Variants in CCR5AS observed in about 807,000 individuals in gnomAD.
CCR5AS encodes CCR5 antisense RNA.
At chr3:46,380,152 T>C (rs1469589046) in intron 2 of CCR5AS, among the ~76,000 whole-genome samples, 2 of 152,126 alleles carry the variant, frequency 1.3e-5, no homozygotes, top group African/African-American at 4.8e-5. Flanking sequence ...CCTGCCTTTC[T>C]GGAGGGTGAG....
chr3:46,372,674 A>G (rs1487868257), intron 2 of CCR5AS: 1 of 410,988 alleles, frequency 2.4e-6, no homozygotes, highest in African/African-American at 2.0e-5. Context: ...GAATTCCCCC[A>G]ACAGAGCCAA....
At chr3:46,372,785 A>T in intron 2 of CCR5AS, 1 of 757,734 alleles carries the variant, frequency 1.3e-6, no homozygotes, top group Non-Finnish European at 2.1e-6. Context: ...GTAGACATCT[A>T]TGTAGGCAAT....
chr3:46,391,754 C>T (rs532547256), intron 2 of CCR5AS, among the ~76,000 whole-genome samples: 22 of 152,056 alleles, frequency 1.4e-4, no homozygotes, highest in African/African-American at 5.3e-4. Flanking sequence ...GAGAAGGTGA[C>T]CAAAGGTTTA....
At chr3:46,401,706 G>A (rs1372065578) in intron 1 of CCR5AS, among the ~76,000 whole-genome samples, 2 of 152,032 alleles carry the variant, frequency 1.3e-5, no homozygotes, top group Non-Finnish European at 2.9e-5. Flanking sequence ...GGCTCCCTCA[G>A]AGCTGGGGCA....
At chr3:46,373,588 A>G (rs1701703192) in intron 2 of CCR5AS, 3 of 1,613,694 alleles carry the variant, frequency 1.9e-6, no homozygotes, top group African/African-American at 1.3e-5. Flanking sequence ...AATGAGAAGA[A>G]GAGGCACAGG....
chr3:46,374,070 T>C, intron 2 of CCR5AS: 1 of 713,998 alleles, frequency 1.4e-6, no homozygotes, highest in Non-Finnish European at 2.3e-6. Flanking sequence ...TAAAAGGAAG[T>C]TACTGTTATA....
chr3:46,384,388 C>A (rs1161577828), intron 2 of CCR5AS, among the ~76,000 whole-genome samples: 1 of 152,172 alleles, frequency 6.6e-6, no homozygotes, highest in Non-Finnish European at 1.5e-5. Context: ...ACATGCCTGG[C>A]CCCCAGATAG....
chr3:46,382,286 G>T (rs764743619), intron 2 of CCR5AS, among the ~76,000 whole-genome samples: 1 of 152,184 alleles, frequency 6.6e-6, no homozygotes, highest in African/African-American at 2.4e-5. Flanking sequence ...GCTTCTTCCC[G>T]TGCTATGTAA....
At chr3:46,371,241 T>C (rs1260700954) in intron 3 of CCR5AS, 1 of 152,182 alleles carries the variant, frequency 6.6e-6, no homozygotes, top group Admixed American at 6.5e-5. Context: ...TAACAATCCT[T>C]ACCTCTCAAA....
intron 1 of CCR5AS, among the ~76,000 whole-genome samples, chr3:46,406,579 A>T (rs1255554907): frequency 2.0e-5 from 3 of 150,442 alleles, no homozygotes; most frequent in African/African-American, 7.4e-5. Context: ...ATTCTCTCCC[A>T]CCCAACTTGA....
chr3:46,401,261 C>A (rs771874435), intron 1 of CCR5AS, among the ~76,000 whole-genome samples: 11 of 152,136 alleles, frequency 7.2e-5, no homozygotes, highest in Non-Finnish European at 1.0e-4. Flanking sequence ...AGAAAGGGAT[C>A]GAAATGCTGC....
At position 46,383,011 on chromosome 3, in the gene CCR5AS, C is replaced by A. The variant is rs562880498; in HGVS notation, n.391+9814G>T. Among the ~76,000 whole-genome samples the A allele has an allele frequency of 4.6e-5, 7 of 152,244 alleles. No individual in the cohort carries two copies. In the South Asian group the frequency reaches 1.2e-3, roughly 27 times the overall value. On this transcript the variant is annotated intron_variant and non_coding_transcript_variant, in intron 2 of 3. Coordinates refer to ENST00000451485, the Ensembl canonical transcript of CCR5AS. ...CATAAAAGCTCTGGTAACAGTTAGC[C>A]ACTTTAATAATTTGCTAATAATGGC...
intron 2 of CCR5AS, among the ~76,000 whole-genome samples, chr3:46,381,155 G>A (rs773608376): frequency 8.5e-5 from 13 of 152,150 alleles, no homozygotes; most frequent in Admixed American, 2.6e-4. Flanking sequence ...GATGTCTGGC[G>A]CCCATGCTGA....
Position 46,402,130 on chromosome 3 carries a change from A to G in CCR5AS, n.163+4767T>C, listed in dbSNP as rs1195573996. 2.0e-5 allele frequency among the ~76,000 whole-genome samples: 3 copies of G among 152,182 alleles called. No individual in the cohort carries two copies. The East Asian group carries it at 5.8e-4, about 29-fold the overall frequency. ...TTTAGCATACTGCGGAATAAACTCA[A>G]CATGCATTGAGAAAGACTGCTTTAG... On this transcript the variant is annotated intron_variant and non_coding_transcript_variant, in intron 1 of 3. Coordinates refer to ENST00000451485, the Ensembl canonical transcript of CCR5AS.
intron 3 of CCR5AS, among the ~76,000 whole-genome samples, chr3:46,369,617 G>A (rs979051198): frequency 1.3e-5 from 2 of 152,146 alleles, no homozygotes; most frequent in Non-Finnish European, 2.9e-5. Context: ...ATTAGGATTT[G>A]ATCAAATAAA....
chr3:46,389,547 G>A (rs150240869), intron 2 of CCR5AS, among the ~76,000 whole-genome samples: 4 of 152,310 alleles, frequency 2.6e-5, no homozygotes, highest in African/African-American at 4.8e-5. Flanking sequence ...GCAACAGGTC[G>A]TGGGCCTGGA....
chr3:46,392,940 C>A, exon 2 of CCR5AS: 1 of 166,448 alleles, frequency 6.0e-6, no homozygotes, highest in Non-Finnish European at 1.3e-5. Context: ...AGGAGTCACC[C>A]TGTCCGGGGT....
intron 1 of CCR5AS, among the ~76,000 whole-genome samples, chr3:46,401,224 C>T (rs1357828300): frequency 6.6e-6 from 1 of 152,248 alleles, no homozygotes; most frequent in East Asian, 1.9e-4. Context: ...TTGGTCCACG[C>T]AGGCCACAGG....
At chr3:46,395,135 A>G (rs1410525891) in intron 1 of CCR5AS, among the ~76,000 whole-genome samples, 2 of 152,104 alleles carry the variant, frequency 1.3e-5, no homozygotes, top group Non-Finnish European at 2.9e-5. Context: ...GAGGACTTGG[A>G]TTATCAGGAC....
Sources: allele counts gnomAD v4.1 joint callset (sites outside exome capture counted in the v4.1 genomes callset), GRCh38; gene constraint gnomAD v4.1.1; transcripts MANE v1.5; gene names NCBI Gene and HGNC (gene_info 2026-07-23, HGNC 2026-07-21).